The following HS3ST5 variants were observed in gnomAD, a reference collection of about 807,000 sequenced individuals.
HS3ST5 encodes the protein heparan sulfate-glucosamine 3-sulfotransferase 5, also known as heparan sulfate glucosamine 3-O-sulfotransferase 5.
A neutral mutation model predicts 25.4 loss-of-function variants in HS3ST5; 10 were observed. The observed-to-expected ratio is 0.39, with a 90% CI of 0.24 to 0.67. The LOEUF (loss-of-function observed/expected upper bound fraction) is 0.67, where lower values mean the gene tolerates loss of function less well. Among genes scored for constraint, HS3ST5 ranks in the 30% least tolerant of loss-of-function variants. HS3ST5 has a pLI of 0.44. For synonymous variants in HS3ST5, 170 were observed against 162.4 expected (o/e 1.05, Z -0.36); for missense variants, 324 against 420.7 (o/e 0.77, Z 2.01).
chr6:114,181,921 C>A (rs557198559), intron 2 of HS3ST5, among the ~76,000 whole-genome samples: 1 of 151,734 alleles, frequency 6.6e-6, no homozygotes, highest in African/African-American at 2.4e-5. Context: ...CGCACACACA[C>A]GTAGACTATC....
At chr6:114,084,330 C>A in intron 3 of HS3ST5, 1 of 762,620 alleles carries the variant, frequency 1.3e-6, no homozygotes, top group Non-Finnish European at 2.4e-6. Flanking sequence ...CAATCTCAGG[C>A]TGAGTAGCAG....
intron 2 of HS3ST5, among the ~76,000 whole-genome samples, chr6:114,227,442 A>T (rs530222204): frequency 6.6e-6 from 1 of 151,976 alleles, no homozygotes; most frequent in East Asian, 1.9e-4. Context: ...ATCACAATTT[A>T]AGATCTGAAT....
chr6:114,248,523 G>T (rs1226153675), intron 1 of HS3ST5, among the ~76,000 whole-genome samples: 1 of 151,868 alleles, frequency 6.6e-6, no homozygotes, highest in South Asian at 2.1e-4. Context: ...ATTTCATCTG[G>T]CAATAATTCA....
intron 1 of HS3ST5, among the ~76,000 whole-genome samples, chr6:114,278,349 G>A (rs1299559388): frequency 2.0e-5 from 3 of 151,756 alleles, no homozygotes; most frequent in African/African-American, 7.3e-5. Context: ...TCTGCCTTAA[G>A]GTTACATTTT....
chr6:114,276,611 G>GAAAAAAAAA (rs11448440), intron 1 of HS3ST5, among the ~76,000 whole-genome samples: 1 of 144,586 alleles, frequency 6.9e-6, no homozygotes. Context: ...GAGAGTGTGG[G>GAAAAAAAAA]AAAAAAAAAA....
intron 2 of HS3ST5, among the ~76,000 whole-genome samples, chr6:114,216,454 T>C (rs1263446873): frequency 6.6e-6 from 1 of 152,186 alleles, no homozygotes; most frequent in Non-Finnish European, 1.5e-5. Context: ...TCAGGAGGCA[T>C]TCTAGTGATA....
intron 3 of HS3ST5, among the ~76,000 whole-genome samples, chr6:114,144,888 G>C (rs562965117): frequency 6.6e-6 from 1 of 152,200 alleles, no homozygotes; most frequent in Non-Finnish European, 1.5e-5. Context: ...TTCAGTAAAC[G>C]TTTATGTCTG....
At position 114,058,146 on chromosome 6, in the gene HS3ST5, C is replaced by CT; in HGVS notation, c.151_152insA (p.Arg51GlnfsTer5). 2 of 1,611,672 alleles carry CT rather than the reference C, an allele frequency of 1.2e-6. No homozygotes were observed. The highest frequency in any genetic ancestry group is 1.7e-6 in the Non-Finnish European group (2 of 1,178,176). The stretch of plus-strand genomic sequence containing the variant: ...GCGAAGTGGGAATTCAGCCTGAGTG[C>CT]GGGCTCCACCCAGTCGACCTTCAAT... On this transcript the variant is annotated frameshift_variant, in exon 5 of 5. Transcript: ENST00000312719. LOFTEE classifies it high-confidence loss of function.
chr6:114,083,967 TG>T (rs1286463065), intron 3 of HS3ST5, among the ~76,000 whole-genome samples: 3 of 152,154 alleles, frequency 2.0e-5, no homozygotes, highest in African/African-American at 7.2e-5. Context: ...ATATGTTGAA[TG>T]GTATTATCCA....
chr6:114,319,883 T>A lies in HS3ST5; in HGVS notation c.-339+22312A>T, dbSNP rs1775893482. Among the ~76,000 whole-genome samples, 3 of 152,256 alleles carry A rather than the reference T, an allele frequency of 2.0e-5. No individual in the cohort carries two copies. In the South Asian group the frequency reaches 6.2e-4, roughly 32 times the overall value. Reference sequence around the variant, plus strand: ...TTTTTGTTGTTGTTGTTAGTGGCTCTACTATTATCCCAATTGGGCGTAGAG... The same window carrying A: ...TTTTTGTTGTTGTTGTTAGTGGCTCAACTATTATCCCAATTGGGCGTAGAG... On this transcript the variant is annotated intron_variant, in intron 1 of 4. Transcript: ENST00000312719.
At chr6:114,170,509 A>G (rs1779430235) in intron 2 of HS3ST5, among the ~76,000 whole-genome samples, 1 of 152,122 alleles carries the variant, frequency 6.6e-6, no homozygotes, top group African/African-American at 2.4e-5. Context: ...GGCTTTTCTT[A>G]GGTGTCTGTA....
At chr6:114,118,637 G>T (rs972255417) in intron 3 of HS3ST5, among the ~76,000 whole-genome samples, 6 of 152,144 alleles carry the variant, frequency 3.9e-5, no homozygotes, top group Non-Finnish European at 7.4e-5. Context: ...GGTGGGACAG[G>T]CCTCATGACC....
intron 1 of HS3ST5, among the ~76,000 whole-genome samples, chr6:114,273,753 T>C (rs1235864881): frequency 1.3e-5 from 2 of 151,906 alleles, no homozygotes; most frequent in African/African-American, 2.4e-5. Context: ...ATGTGCAAGA[T>C]GTAGTTATGG....
At chr6:114,263,969 A>C (rs1390648791) in intron 1 of HS3ST5, among the ~76,000 whole-genome samples, 1 of 152,160 alleles carries the variant, frequency 6.6e-6, no homozygotes, top group East Asian at 1.9e-4. Flanking sequence ...GAACATAAAG[A>C]GTCCCCACAA....
intron 1 of HS3ST5, among the ~76,000 whole-genome samples, chr6:114,322,792 T>C (rs1020989097): frequency 6.6e-6 from 1 of 152,192 alleles, no homozygotes; most frequent in Non-Finnish European, 1.5e-5. Flanking sequence ...TGGCAATGCA[T>C]GCATACCTAA....
intron 1 of HS3ST5, among the ~76,000 whole-genome samples, chr6:114,230,835 G>A (rs981842143): frequency 4.6e-5 from 7 of 151,968 alleles, no homozygotes; most frequent in Non-Finnish European, 8.8e-5. Flanking sequence ...TGATCCGCCC[G>A]CCTCAGCCTC....
intron 2 of HS3ST5, chr6:114,178,623 TG>T (rs1414125575): frequency 1.3e-5 from 2 of 152,170 alleles, no homozygotes; most frequent in African/African-American, 4.8e-5. Flanking sequence ...TTCCCCAAAG[TG>T]TTTTAACACC....
At chr6:114,095,107 A>G (rs925659427) in intron 3 of HS3ST5, among the ~76,000 whole-genome samples, 1 of 152,196 alleles carries the variant, frequency 6.6e-6, no homozygotes, top group Non-Finnish European at 1.5e-5. Flanking sequence ...CATAGGATTG[A>G]TGAGGTAATA....
At chr6:114,272,652 T>G (rs1773685075) in intron 1 of HS3ST5, among the ~76,000 whole-genome samples, 1 of 152,082 alleles carries the variant, frequency 6.6e-6, no homozygotes, top group Admixed American at 6.6e-5. Context: ...GAGCCCAGCC[T>G]TCAGCCCAGG....
Sources: gnomAD v4.1 joint callset for allele counts (sites outside exome capture counted in the v4.1 genomes callset) on GRCh38, gnomAD v4.1.1 for gene constraint, MANE v1.5 for transcripts, NCBI Gene and HGNC (gene_info 2026-07-23, HGNC 2026-07-21) for gene names.